Variants in DAB1 observed in about 807,000 individuals in gnomAD.
DAB1 encodes DAB adaptor protein 1, also known as disabled homolog 1.
DAB1 carries 15 observed loss-of-function variants against 64.6 expected under a neutral mutation model. The ratio of observed to expected loss-of-function variants is 0.23; its 90% CI spans 0.16 to 0.36. DAB1 has a LOEUF of 0.36. Among genes scored for constraint, DAB1 ranks in the 10% least tolerant of loss-of-function variants. The pLI is 1.00. For synonymous variants in DAB1, 235 were observed against 251.9 expected, an observed-to-expected ratio of 0.93 and a Z score of 0.64; for missense variants, 596 against 706.7, an observed-to-expected ratio of 0.84 and a Z score of 1.78.
At chr1:57,047,568 C>G (rs1391566161) in intron 9 of DAB1, among the ~76,000 whole-genome samples, 1 of 152,162 alleles carries the variant, frequency 6.6e-6, no homozygotes, top group African/African-American at 2.4e-5. Context: ...AGTTGGTGGT[C>G]TACAACCCCA....
At chr1:57,026,499 C>A (rs1646793827) in intron 9 of DAB1, among the ~76,000 whole-genome samples, 1 of 152,118 alleles carries the variant, frequency 6.6e-6, no homozygotes, top group South Asian at 2.1e-4. Context: ...ATAGCATTCA[C>A]CCTGAGAGGT....
chr1:58,100,248 TC>T (rs1651235197), intron 5 of DAB1, among the ~76,000 whole-genome samples: 1 of 152,240 alleles, frequency 6.6e-6, no homozygotes. Context: ...AACTTCCTGT[TC>T]CTGCCTCACC....
At chr1:58,095,246 T>G (rs1650910702) in intron 5 of DAB1, among the ~76,000 whole-genome samples, 1 of 152,170 alleles carries the variant, frequency 6.6e-6, no homozygotes, top group African/African-American at 2.4e-5. Context: ...ATGTACTTAG[T>G]CTCTATAGTG....
intron 5 of DAB1, among the ~76,000 whole-genome samples, chr1:57,920,932 C>CTACTTCTAGG (rs1266289006): frequency 6.7e-6 from 1 of 149,356 alleles, no homozygotes; most frequent in Admixed American, 6.6e-5. Context: ...GCCACAAATT[C>CTACTTCTAGG]TACTTCTAGG....
At chr1:58,286,453 T>C (rs1661684610) in intron 4 of DAB1, among the ~76,000 whole-genome samples, 1 of 152,044 alleles carries the variant, frequency 6.6e-6, no homozygotes, top group South Asian at 2.1e-4. Context: ...TATTATCCAA[T>C]GAACGTAAAT....
intron 12 of DAB1, among the ~76,000 whole-genome samples, chr1:57,011,988 G>A (rs1331139263): frequency 6.6e-6 from 1 of 152,156 alleles, no homozygotes; most frequent in Non-Finnish European, 1.5e-5. Context: ...GATTCTATAA[G>A]GACAAAGGAT....
chr1:58,049,200 C>A, intron 5 of DAB1: 1 of 768,166 alleles, frequency 1.3e-6, no homozygotes. Flanking sequence ...AAAATGGCTT[C>A]TCAGGTTCTC....
chr1:57,999,360 C>T (rs888742684), intron 5 of DAB1, among the ~76,000 whole-genome samples: 2 of 152,166 alleles, frequency 1.3e-5, no homozygotes, highest in African/African-American at 2.4e-5. Context: ...TGCACATTCT[C>T]AGGTCCCCAT....
chr1:58,069,588 C>T (rs138662398), intron 5 of DAB1, among the ~76,000 whole-genome samples: 4 of 152,250 alleles, frequency 2.6e-5, no homozygotes, highest in Admixed American at 1.3e-4. Context: ...ACCCAGACAG[C>T]GAGTAGACAG....
intron 5 of DAB1, among the ~76,000 whole-genome samples, chr1:58,042,975 T>C (rs1377123316): frequency 6.6e-6 from 1 of 152,236 alleles, no homozygotes; most frequent in Non-Finnish European, 1.5e-5. Flanking sequence ...AGGTGTTGCA[T>C]GCTAATAGCT....
chr1:57,318,191 T>C (rs1675384900), intron 1 of DAB1, among the ~76,000 whole-genome samples: 1 of 149,856 alleles, frequency 6.7e-6, no homozygotes, highest in Non-Finnish European at 1.5e-5. Context: ...AGGGAAGACT[T>C]TGATTGGTCC....
In DAB1 at chr1:57,054,942, G is replaced by A. The variant is rs115843387; in HGVS notation, c.723+7942C>T. Among the ~76,000 whole-genome samples, 672 of 152,316 alleles carry A rather than the reference G, an allele frequency of 4.4e-3. 5 individuals are homozygous for A. Among genetic ancestry groups the A allele is most frequent in the African/African-American group, 0.015 (623 of 41,574 alleles). On this transcript the variant is annotated intron_variant, in intron 9 of 14. Transcript: ENST00000371236. The stretch of plus-strand genomic sequence containing the variant: ...CTCTGAGCACTGCTGAGTAGAGGAA[G>A]TATGGACTCAGCAGTCTCAGTGATC...
intron 3 of DAB1, chr1:58,473,740 G>C: frequency 2.2e-6 from 1 of 465,082 alleles, no homozygotes; most frequent in Non-Finnish European, 3.8e-6. Flanking sequence ...TTAGGGACTT[G>C]ATCTTACCAA....
At chr1:57,700,117 C>A (rs148739121) in intron 6 of DAB1, among the ~76,000 whole-genome samples, 560 of 152,228 alleles carry the variant, frequency 3.7e-3, no homozygotes, top group African/African-American at 0.013. Context: ...AATTGGTCAT[C>A]CTCATGTGCT....
intron 2 of DAB1, among the ~76,000 whole-genome samples, chr1:57,192,292 G>A (rs1050062154): frequency 6.7e-5 from 10 of 150,272 alleles, no homozygotes; most frequent in East Asian, 2.0e-4. Flanking sequence ...ACTCCAGCCC[G>A]GGTGACAGAG....
intron 4 of DAB1, among the ~76,000 whole-genome samples, chr1:58,283,422 A>G (rs11576105): frequency 0.012 from 1,892 of 152,178 alleles, 23 homozygotes; most frequent in Admixed American, 0.03. Context: ...CTCTGTCCCC[A>G]TAGCTTTCTA....
At position 57,436,744 on chromosome 1, in the gene DAB1, A is replaced by G. The variant is rs1685709442; in HGVS notation, n.626-145578T>C. Among the ~76,000 whole-genome samples, 3 of 152,158 alleles carry G rather than the reference A, an allele frequency of 2.0e-5. No homozygotes were observed. The South Asian group carries it at 6.2e-4, about 32-fold the overall frequency. ...ACCAGAAGGTAAAGAATTTCCTGGC[A>G]TAGGCTGGGTGCGGTGGCTCACGCC... On this transcript the variant is annotated intron_variant and non_coding_transcript_variant, in intron 7 of 20. Transcript: ENST00000485760.
At chr1:58,283,602 C>T (rs780801680) in intron 4 of DAB1, among the ~76,000 whole-genome samples, 14 of 152,148 alleles carry the variant, frequency 9.2e-5, no homozygotes, top group Non-Finnish European at 1.8e-4. Context: ...TGCAAACTTG[C>T]GCGAGTCACT....
intron 1 of DAB1, among the ~76,000 whole-genome samples, chr1:57,866,621 C>G (rs573728133): frequency 3.3e-5 from 5 of 152,140 alleles, no homozygotes; most frequent in Non-Finnish European, 5.9e-5. Context: ...TTCTTGACAC[C>G]TCAGTTTCCC....
Sources: allele counts gnomAD v4.1 joint callset (sites outside exome capture counted in the v4.1 genomes callset), GRCh38; gene constraint gnomAD v4.1.1; transcripts MANE v1.5; gene names NCBI Gene and HGNC (gene_info 2026-07-23, HGNC 2026-07-21).